IGFBP7: variants seen among roughly 807,000 people sequenced by gnomAD.
IGFBP7 encodes insulin-like growth factor-binding protein 7.
A neutral mutation model predicts 29.4 loss-of-function variants in IGFBP7; 31 were observed. That is an observed-to-expected ratio of 1.05 (90% CI 0.79 to 1.42). The LOEUF is 1.42. IGFBP7 is among the 40% of genes most tolerant of loss of function. IGFBP7 has a pLI of 0.00. For missense variants in IGFBP7, 393 were observed against 395.5 expected (o/e 0.99, Z 0.05); for synonymous variants, 172 against 174.9 (o/e 0.98, Z 0.13).
intron 1 of IGFBP7, among the ~76,000 whole-genome samples, chr4:57,058,269 T>C (rs966589906): frequency 6.6e-6 from 1 of 152,192 alleles, no homozygotes; most frequent in Admixed American, 6.5e-5. Flanking sequence ...ATATGTTAAA[T>C]CAGGCTGGAC....
intron 1 of IGFBP7, among the ~76,000 whole-genome samples, chr4:57,078,745 G>T (rs571790853): frequency 0.013 from 1,976 of 152,050 alleles, 31 homozygotes; most frequent in African/African-American, 0.035. Context: ...TATGCAGACG[G>T]GGTCCACAGA....
intron 1 of IGFBP7, among the ~76,000 whole-genome samples, chr4:57,094,788 C>T (rs1420011304): frequency 6.6e-6 from 1 of 152,232 alleles, no homozygotes; most frequent in Admixed American, 6.5e-5. Context: ...TTTCCAAACA[C>T]TGTCAATCCT....
At chr4:57,109,432 TA>T (rs541778092) in intron 1 of IGFBP7, among the ~76,000 whole-genome samples, 11 of 149,838 alleles carry the variant, frequency 7.3e-5, no homozygotes, top group South Asian at 4.2e-4. Flanking sequence ...TCCTATCTTT[TA>T]AAAAAAAAAG....
At position 57,110,136 on chromosome 4, in the gene IGFBP7, C is replaced by G. The variant is rs1726154803; in HGVS notation, c.216G>C (p.Gly72=). 1 of 1,494,060 alleles carries G rather than the reference C, an allele frequency of 6.7e-7. No individual in the cohort carries two copies. Among genetic ancestry groups the G allele is most frequent in the Non-Finnish European group, 8.9e-7 (1 of 1,129,092 alleles). The allele number at this position is 1,494,060 out of a possible 1,614,324, so 92.6% of individuals were successfully genotyped here. Residue 72 remains glycine (G), a synonymous_variant, in exon 1 of 5, where the codon GGG becomes GGC. Coordinates refer to ENST00000295666, the MANE Select transcript of IGFBP7 (RefSeq NM_001553.3). ...MCARGEGEPC[G]GGGAGRGYCA... Reference sequence around the variant, plus strand: ...AGTACCCCCTGCCGGCGCCGCCACCCCCGCACGGCTCGCCCTCGCCGCGGG... The same window carrying G: ...AGTACCCCCTGCCGGCGCCGCCACCGCCGCACGGCTCGCCCTCGCCGCGGG...
At chr4:57,033,412 T>C (rs935290654) in intron 2 of IGFBP7, 101 bp from the exon 3 acceptor site, 11 of 806,832 alleles carry the variant, frequency 1.4e-5, no homozygotes, top group Non-Finnish European at 2.2e-5. Flanking sequence ...TGTCAGACTT[T>C]CTAACAGAGT....
At chr4:57,049,440 C>A (rs1724446657) in intron 1 of IGFBP7, among the ~76,000 whole-genome samples, 1 of 152,218 alleles carries the variant, frequency 6.6e-6, no homozygotes, top group African/African-American at 2.4e-5. Context: ...CTGCTCCCAG[C>A]AGTCCTGCTC....
chr4:57,035,726 G>A (rs1724069944), intron 2 of IGFBP7, among the ~76,000 whole-genome samples: 1 of 152,194 alleles, frequency 6.6e-6, no homozygotes, highest in Non-Finnish European at 1.5e-5. Context: ...CTCCCAAAGT[G>A]CTGGGATTAC....
chr4:57,101,562 A>G (rs1449239344), intron 1 of IGFBP7, among the ~76,000 whole-genome samples: 3 of 152,170 alleles, frequency 2.0e-5, no homozygotes, highest in Non-Finnish European at 4.4e-5. Context: ...AGTAAAGGCA[A>G]TTCAACACAT....
At chr4:57,061,746 G>A (rs943631620) in intron 1 of IGFBP7, among the ~76,000 whole-genome samples, 12 of 152,206 alleles carry the variant, frequency 7.9e-5, no homozygotes, top group Non-Finnish European at 1.5e-4. Context: ...AAACTGGAAA[G>A]CAAAACCATG....
intron 1 of IGFBP7, among the ~76,000 whole-genome samples, chr4:57,077,873 C>G (rs746649304): frequency 6.6e-6 from 1 of 152,206 alleles, no homozygotes; most frequent in Non-Finnish European, 1.5e-5. Context: ...AGCACTCAGG[C>G]CTCGTGGAGT....
At chr4:57,069,078 G>T (rs1284629319) in intron 1 of IGFBP7, among the ~76,000 whole-genome samples, 2 of 152,140 alleles carry the variant, frequency 1.3e-5, no homozygotes, top group East Asian at 3.9e-4. Context: ...TGAATCACCA[G>T]TTTGAACCGC....
chr4:57,053,017 A>ATTT (rs1336397444), intron 1 of IGFBP7, among the ~76,000 whole-genome samples: 1 of 120,812 alleles, frequency 8.3e-6, no homozygotes, highest in Non-Finnish European at 1.8e-5. Context: ...TTTCTTTTCT[A>ATTT]TCTTTTTTTT....
At chr4:57,050,436 G>A (rs1440804109) in intron 1 of IGFBP7, among the ~76,000 whole-genome samples, 1 of 151,278 alleles carries the variant, frequency 6.6e-6, no homozygotes, top group African/African-American at 2.4e-5. Context: ...GTAGAGATGG[G>A]GTTTCACCAT....
intron 2 of IGFBP7, among the ~76,000 whole-genome samples, chr4:57,038,494 G>GA (rs1425239360): frequency 5.3e-5 from 8 of 152,114 alleles, no homozygotes; most frequent in Non-Finnish European, 8.8e-5. Flanking sequence ...AAATGGGCTG[G>GA]TAGAACTTGC....
intron 2 of IGFBP7, among the ~76,000 whole-genome samples, chr4:57,040,584 G>A (rs190454848): frequency 1.3e-5 from 2 of 152,322 alleles, no homozygotes; most frequent in Admixed American, 1.3e-4. Flanking sequence ...GTGGGTTCAG[G>A]TGTTCAGCAT....
At chr4:57,095,591 G>T (rs1261004237) in intron 1 of IGFBP7, among the ~76,000 whole-genome samples, 1 of 152,174 alleles carries the variant, frequency 6.6e-6, no homozygotes, top group Non-Finnish European at 1.5e-5. Flanking sequence ...TGAGAAAACT[G>T]ATGCTCAGAG....
chr4:57,107,834 A>G (rs531339475), intron 1 of IGFBP7, among the ~76,000 whole-genome samples: 1 of 152,360 alleles, frequency 6.6e-6, no homozygotes, highest in African/African-American at 2.4e-5. Context: ...AACTGGTTCT[A>G]TATGACTGTC....
intron 1 of IGFBP7, among the ~76,000 whole-genome samples, chr4:57,100,766 T>C (rs1465531729): frequency 1.3e-5 from 2 of 152,204 alleles, no homozygotes; most frequent in Non-Finnish European, 2.9e-5. Context: ...TCCGAGTTTA[T>C]AAAAAAGAAA....
intron 1 of IGFBP7, among the ~76,000 whole-genome samples, chr4:57,059,670 A>C (rs566783845): frequency 6.6e-6 from 1 of 152,246 alleles, no homozygotes; most frequent in East Asian, 1.9e-4. Context: ...TGGGTGATAA[A>C]ATATGCTGTA....
Sources: allele counts gnomAD v4.1 joint callset (sites outside exome capture counted in the v4.1 genomes callset), GRCh38; gene constraint gnomAD v4.1.1; transcripts MANE v1.5; gene names NCBI Gene and HGNC (gene_info 2026-07-23, HGNC 2026-07-21).